TDRD9: variants seen among roughly 807,000 people sequenced by gnomAD.
TDRD9 encodes the protein tudor domain containing 9, also known as ATP-dependent RNA helicase TDRD9.
Under a neutral mutation model 172.6 loss-of-function variants are expected in TDRD9, and 124 were observed. That is an observed-to-expected ratio of 0.72 (90% CI 0.62 to 0.83). The LOEUF is 0.83. TDRD9 is among the 40% of genes least tolerant of loss of function. The probability of loss-of-function intolerance (pLI) is 0.00; values close to 1 mark genes in which losing one functional copy is unlikely to be tolerated. For synonymous variants in TDRD9, 619 were observed against 617.1 expected (o/e 1.00, Z -0.05); for missense variants, 1,479 against 1,714.1 (o/e 0.86, Z 2.42).
chr14:103,953,314 ACTCT>A (rs1283948879), intron 1 of TDRD9, among the ~76,000 whole-genome samples: 5 of 151,864 alleles, frequency 3.3e-5, no homozygotes. Context: ...AGGCATCTTG[ACTCT>A]CTCAGCTGCA....
At chr14:103,952,216 ATATATTTTTTTTTTTTTTTTTTTTT>A (rs2031950188) in intron 1 of TDRD9, among the ~76,000 whole-genome samples, 1 of 49,918 alleles carries the variant, frequency 2.0e-5, no homozygotes, top group African/African-American at 1.0e-4. Flanking sequence ...ATATATATAT[ATATATTTTTTTTTTTTTTTTTTTTT>A]TTTTTTTTTT....
intron 9 of TDRD9, 118 bp from the exon 10 acceptor site, chr14:103,994,214 G>T: frequency 1.2e-6 from 1 of 841,024 alleles, no homozygotes; most frequent in Non-Finnish European, 2.0e-6. Flanking sequence ...AGAGGATAAA[G>T]AAGTCAAATA....
intron 5 of TDRD9, among the ~76,000 whole-genome samples, chr14:103,968,081 G>A (rs948605601): frequency 3.9e-5 from 6 of 152,174 alleles, no homozygotes; most frequent in Non-Finnish European, 8.8e-5. Flanking sequence ...CTCTGCCTAC[G>A]TGGCCTTTGC....
intron 20 of TDRD9, among the ~76,000 whole-genome samples, chr14:104,012,913 C>A (rs1370223029): frequency 6.6e-6 from 1 of 152,056 alleles, no homozygotes; most frequent in South Asian, 2.1e-4. Context: ...TTTTAAATAT[C>A]TTTTTGTTGT....
intron 12 of TDRD9, among the ~76,000 whole-genome samples, chr14:103,998,076 G>A (rs1020266731): frequency 2.6e-5 from 4 of 152,052 alleles, no homozygotes; most frequent in East Asian, 1.9e-4. Flanking sequence ...GTGGTGGAGG[G>A]GAGGAGGCAG....
In TDRD9 at chr14:103,940,829, G is replaced by A. The variant is rs1156917146; in HGVS notation, c.215+12105G>A. 5.9e-6 allele frequency: 9 copies of A among 1,534,910 alleles called. No individual in the cohort carries two copies. In the Admixed American group the frequency reaches 9.8e-5, roughly 17 times the overall value. Reference sequence around the variant, plus strand: ...ACTTAACTAGATGGGTGATAATATGGTAGGTTCCATATTCTGTGTGAGAAC... The same window carrying A: ...ACTTAACTAGATGGGTGATAATATGATAGGTTCCATATTCTGTGTGAGAAC... On this transcript the variant is annotated intron_variant, in intron 1 of 35. Transcript: ENST00000409874.
intron 34 of TDRD9, among the ~76,000 whole-genome samples, chr14:104,046,647 T>C (rs1351673528): frequency 7.5e-6 from 1 of 134,056 alleles, no homozygotes; most frequent in East Asian, 2.2e-4. Context: ...TTATTCTTTT[T>C]CTTTTTCTTT....
At chr14:104,002,187 G>T (rs1220891583) in intron 13 of TDRD9, among the ~76,000 whole-genome samples, 6 of 151,840 alleles carry the variant, frequency 4.0e-5, no homozygotes, top group Admixed American at 3.9e-4. Context: ...AACCATGATG[G>T]CATGCGCCTG....
chr14:104,024,502 C>A (rs2035054873), intron 24 of TDRD9, 67 bp from the exon 25 acceptor site: 1 of 814,442 alleles, frequency 1.2e-6, no homozygotes, highest in Non-Finnish European at 2.0e-6. Flanking sequence ...GTGATAATTT[C>A]ACATATGTAA....
In TDRD9 at chr14:104,043,975, G is replaced by T. The variant is rs2035687653; in HGVS notation, c.3974+1788G>T. On this transcript the variant is annotated intron_variant, in intron 34 of 35. Coordinates refer to ENST00000409874, the MANE Select transcript of TDRD9 (RefSeq NM_153046.3). ...CTGTGGGGGGCTCGTCGCCATGTGT[G>T]GGAAGATCTTTCCTTGATTCCGGCT... Among the ~76,000 whole-genome samples the T allele has an allele frequency of 1.3e-5, 2 of 152,150 alleles. 1 individual carries two copies. The highest frequency in any genetic ancestry group is 4.1e-4 in the South Asian group (2 of 4,822).
intron 3 of TDRD9, among the ~76,000 whole-genome samples, chr14:103,963,564 T>G (rs2032607271): frequency 6.6e-6 from 1 of 152,216 alleles, no homozygotes; most frequent in Admixed American, 6.5e-5. Context: ...GCATTTCCAC[T>G]GGGTTTTCTT....
At chr14:103,950,092 T>TCC (rs2031787842) in intron 1 of TDRD9, among the ~76,000 whole-genome samples, 2 of 140,354 alleles carry the variant, frequency 1.4e-5, no homozygotes, top group Non-Finnish European at 3.1e-5. Flanking sequence ...CTTCCTTCCT[T>TCC]TTTTTTTTTT....
chr14:104,032,628 A>AT (rs1217724346), intron 30 of TDRD9, among the ~76,000 whole-genome samples: 1 of 152,172 alleles, frequency 6.6e-6, no homozygotes, highest in Non-Finnish European at 1.5e-5. Context: ...CAAAGACTAC[A>AT]TTTTTTTCTG....
intron 13 of TDRD9, among the ~76,000 whole-genome samples, chr14:104,001,855 C>G (rs1167386418): frequency 6.6e-6 from 1 of 152,076 alleles, no homozygotes. Context: ...GATCTGCCTG[C>G]CTAGGCTTCC....
At chr14:104,026,610 A>G in intron 27 of TDRD9, 69 bp from the exon 28 acceptor site, 1 of 1,543,534 alleles carries the variant, frequency 6.5e-7, no homozygotes, top group Non-Finnish European at 8.8e-7. Context: ...GTCTGTTTTC[A>G]GTGGTATTTG....
At chr14:103,987,123 T>TACACAC (rs143714763) in intron 8 of TDRD9, among the ~76,000 whole-genome samples, 2,273 of 145,736 alleles carry the variant, frequency 0.016, 32 homozygotes, top group Admixed American at 0.032. Context: ...AAAAAATATA[T>TACACAC]ACACACACAC....
chr14:103,999,634 GT>G lies in TDRD9; in HGVS notation c.1483+912del, dbSNP rs1010462315. 3.3e-4 allele frequency among the ~76,000 whole-genome samples: 45 copies of G among 134,540 alleles called. 6 individuals carry two copies. Among genetic ancestry groups the G allele is most frequent in the African/African-American group, 1.2e-3 (43 of 35,242 alleles). 88.3% of individuals were successfully genotyped at this position (134,540 alleles called of 152,430 possible). A position where few individuals can be genotyped will look rare whatever the true frequency, so the allele number is the denominator to read the frequency against. On this transcript the variant is annotated intron_variant, in intron 13 of 35. Coordinates refer to ENST00000409874, the MANE Select transcript of TDRD9 (RefSeq NM_153046.3). ...TGAGAAGTGGCTTTTTTTTTTGTTT[GT>G]TTTTTAGAAAACCTTTTGGGAAGGG...
At chr14:104,024,810 A>G (rs1204640715) in intron 25 of TDRD9, 130 bp downstream of exon 25, 1 of 453,150 alleles carries the variant, frequency 2.2e-6, no homozygotes. Flanking sequence ...CACCTTGGTA[A>G]TCTTGTTAAT....
At chr14:103,971,036 T>G (rs571650003) in intron 6 of TDRD9, among the ~76,000 whole-genome samples, 33 of 151,856 alleles carry the variant, frequency 2.2e-4, no homozygotes, top group African/African-American at 7.5e-4. Context: ...CAGGCTGGAG[T>G]GCAGTGGCGT....
Sources: allele counts gnomAD v4.1 joint callset (sites outside exome capture counted in the v4.1 genomes callset), GRCh38; gene constraint gnomAD v4.1.1; transcripts MANE v1.5; gene names NCBI Gene and HGNC (gene_info 2026-07-23, HGNC 2026-07-21).